Variants in ZNF33B observed in about 807,000 individuals in gnomAD.
ZNF33B encodes the protein zinc finger protein 11b (KOX 2).
Under a neutral mutation model 45.8 loss-of-function variants are expected in ZNF33B, and 29 were observed. The ratio of observed to expected loss-of-function variants is 0.63; its 90% confidence interval spans 0.47 to 0.86. The LOEUF (loss-of-function observed/expected upper bound fraction) is 0.86. ZNF33B is among the 40% of genes least tolerant of loss of function. The pLI is 0.00. For missense variants in ZNF33B, 831 were observed against 909.9 expected (o/e 0.91, Z 1.12); for synonymous variants, 305 against 307.8 (o/e 0.99, Z 0.10).
rs1197698718 is a variant in ZNF33B, at chr10:42,632,410, T to A, written c.39A>T (p.Ser13=). The stretch of plus-strand genomic sequence containing the variant: ...TGAAGCCCACAGTCACATCTTTAAA[T>A]GATACTGACCCCTGGAACTTCTGAT... ...KVDQKFQGSV[S]FKDVTVGFTQ... Residue 13 remains serine (S), a synonymous_variant, in exon 3 of 5, where the codon TCA becomes TCT. Coordinates refer to ENST00000359467, the MANE Select transcript of ZNF33B (RefSeq NM_006955.3). 3 of 1,613,790 alleles carry A rather than the reference T, an allele frequency of 1.9e-6. No individual in the cohort carries two copies. The highest frequency in any genetic ancestry group is 4.5e-5 in the East Asian group (2 of 44,866).
Position 42,592,963 on chromosome 10 carries a change from T to C in ZNF33B, c.1987A>G (p.Lys663Glu), listed in dbSNP as rs1837205725. The C allele has an allele frequency of 1.2e-6, 2 of 1,613,884 alleles. No individual in the cohort carries two copies. The highest frequency in any genetic ancestry group is 1.7e-5 in the Admixed American group (1 of 59,992). ...IVHQRTHTQE[K>E]PYKCNECGKS... ...CCACATTCGTTACATTTATAAGGCTTTTCTTGTGTATGGGTTCTCTGATGT... is the reference window on the plus strand; with the variant it reads ...CCACATTCGTTACATTTATAAGGCTCTTCTTGTGTATGGGTTCTCTGATGT... Residue 663 changes from lysine (K) to glutamate (E), a missense_variant, in exon 5 of 5, where the codon AAG (lysine) becomes GAG (glutamate). By Grantham distance (56) the Lys-to-Glu change is moderately conservative. Transcript: ENST00000359467.
At chr10:42,581,160 G>A (rs1395738973) in intron 1 of ZNF33B, among the ~76,000 whole-genome samples, 5 of 152,108 alleles carry the variant, frequency 3.3e-5, no homozygotes, top group Non-Finnish European at 7.3e-5. Context: ...CCCAGTCCAG[G>A]TGTCAGAGTG....
In ZNF33B at chr10:42,594,045, T is replaced by C. The variant is rs1164806140; in HGVS notation, c.905A>G (p.Asp302Gly). 6.2e-6 allele frequency: 10 copies of C among 1,614,020 alleles called. No individual in the cohort carries two copies. Among genetic ancestry groups the C allele is most frequent in the East Asian group, 2.2e-5 (1 of 44,872 alleles). The change falls in exon 5 of 5, where the codon GAT becomes GGT. Residue 302 changes from aspartate to glycine, a missense_variant. By Grantham distance (94) the Asp-to-Gly change is moderately conservative. Coordinates refer to ENST00000359467, the MANE Select transcript of ZNF33B (RefSeq NM_006955.3). ...GAAATTATTCCCACTTTCACCACAATCATAGTGTTTCACAGGTACCCCATC... is the reference window on the plus strand; with the variant it reads ...GAAATTATTCCCACTTTCACCACAACCATAGTGTTTCACAGGTACCCCATC... ...KHDGVPVKHY[D>G]CGESGNNFRR...
intron 4 of ZNF33B, among the ~76,000 whole-genome samples, chr10:42,605,773 C>T (rs1472040837): frequency 6.6e-6 from 1 of 152,076 alleles, no homozygotes; most frequent in Non-Finnish European, 1.5e-5. Flanking sequence ...TATTGTTGGA[C>T]CTATAACATA....
intron 4 of ZNF33B, among the ~76,000 whole-genome samples, chr10:42,626,443 A>G (rs1385980787): frequency 7.9e-5 from 12 of 152,120 alleles, no homozygotes; most frequent in African/African-American, 2.9e-4. Flanking sequence ...TAATCCCAGC[A>G]CTTCGGGAGG....
chr10:42,580,154 A>G (rs1836803326), intron 1 of ZNF33B, among the ~76,000 whole-genome samples: 1 of 152,238 alleles, frequency 6.6e-6, no homozygotes, highest in African/African-American at 2.4e-5. Context: ...CCAATATTAT[A>G]GAATGCTCAG....
chr10:42,585,840 C>G (rs190044290), downstream of ZNF33B, among the ~76,000 whole-genome samples: 560 of 152,314 alleles, frequency 3.7e-3, 1 homozygote, highest in Admixed American at 5.8e-3. Flanking sequence ...TCAAGTGGTA[C>G]CCATGGATTA....
At chr10:42,596,046 AAG>A (rs1248932790) in intron 4 of ZNF33B, among the ~76,000 whole-genome samples, 1 of 152,002 alleles carries the variant, frequency 6.6e-6, no homozygotes, top group South Asian at 2.1e-4. Context: ...TTGGATCAGA[AAG>A]AAAGTTCTGG....
intron 1 of ZNF33B, 79 bp from the exon 2 acceptor site, chr10:42,637,051 C>A (rs1839338487): frequency 9.6e-6 from 13 of 1,349,854 alleles, no homozygotes; most frequent in Middle Eastern, 1.8e-4. Flanking sequence ...CCCTAAGAAG[C>A]CATACACACC....
chr10:42,634,781 G>T (rs182078711), intron 2 of ZNF33B, among the ~76,000 whole-genome samples: 1,704 of 152,312 alleles, frequency 0.011, 18 homozygotes, highest in Middle Eastern at 0.027. Context: ...CCATTCCAAT[G>T]AAAGAGAGGT....
chr10:42,611,911 C>A (rs945121732), intron 4 of ZNF33B, among the ~76,000 whole-genome samples: 1 of 152,180 alleles, frequency 6.6e-6, no homozygotes, highest in Admixed American at 6.5e-5. Flanking sequence ...AGTTTTATTT[C>A]TTCCTTTCCC....
chr10:42,629,416 T>G (rs560383125), intron 4 of ZNF33B, among the ~76,000 whole-genome samples: 1 of 152,284 alleles, frequency 6.6e-6, no homozygotes, highest in Admixed American at 6.5e-5. Context: ...CAAAAATAAT[T>G]TAATTGTACA....
intron 4 of ZNF33B, among the ~76,000 whole-genome samples, chr10:42,605,834 G>A (rs1465341823): frequency 1.3e-5 from 2 of 152,078 alleles, no homozygotes; most frequent in East Asian, 1.9e-4. Flanking sequence ...GGTGGCTCAC[G>A]CCAGTAATCC....
chr10:42,598,961 G>C (rs1338234960), intron 4 of ZNF33B, among the ~76,000 whole-genome samples: 6 of 150,108 alleles, frequency 4.0e-5, no homozygotes, highest in African/African-American at 1.2e-4. Context: ...TTATAAATTG[G>C]TACTATTAAT....
At chr10:42,614,646 C>A (rs1838236980) in intron 4 of ZNF33B, among the ~76,000 whole-genome samples, 1 of 152,078 alleles carries the variant, frequency 6.6e-6, no homozygotes, top group African/African-American at 2.4e-5. Context: ...AAATAGCCAA[C>A]AGGTGCATAA....
intron 4 of ZNF33B, among the ~76,000 whole-genome samples, chr10:42,596,791 C>A (rs1176299416): frequency 6.6e-6 from 1 of 152,008 alleles, no homozygotes; most frequent in Non-Finnish European, 1.5e-5. Context: ...TGTCACCTAG[C>A]TACACTTAAT....
chr10:42,583,288 C>T, intron 1 of ZNF33B: 1 of 474,708 alleles, frequency 2.1e-6, no homozygotes. Flanking sequence ...CAGGTGTCCT[C>T]CTTCAAGCTT....
At chr10:42,596,083 A>G (rs1837388256) in intron 4 of ZNF33B, among the ~76,000 whole-genome samples, 2 of 151,802 alleles carry the variant, frequency 1.3e-5, no homozygotes, top group African/African-American at 2.4e-5. Context: ...CAATTAAATA[A>G]ATAAAATTAT....
At chr10:42,636,646 C>A (rs1445686151) in intron 2 of ZNF33B, among the ~76,000 whole-genome samples, 2 of 152,164 alleles carry the variant, frequency 1.3e-5, no homozygotes, top group Non-Finnish European at 2.9e-5. Context: ...ACACGGTGAA[C>A]ACATCTCTAT....
Sources: gnomAD v4.1 joint callset for allele counts (sites outside exome capture counted in the v4.1 genomes callset) on GRCh38, gnomAD v4.1.1 for gene constraint, MANE v1.5 for transcripts, NCBI Gene and HGNC (gene_info 2026-07-23, HGNC 2026-07-21) for gene names.